NMNAT2: variants seen among roughly 807,000 people sequenced by gnomAD.
NMNAT2 encodes nicotinamide/nicotinic acid mononucleotide adenylyltransferase 2.
In NMNAT2, 11 loss-of-function variants were observed where a neutral mutation model predicts 41.6. The ratio of observed to expected loss-of-function variants is 0.26; its 90% CI spans 0.17 to 0.44. NMNAT2 has a LOEUF of 0.44. NMNAT2 is among the 20% of genes least tolerant of loss of function. The pLI is 1.00. For missense variants in NMNAT2, 288 were observed against 407.7 expected (o/e 0.71, Z 2.53); for synonymous variants, 148 against 151.2 (o/e 0.98, Z 0.16).
At chr1:183,316,742 C>T (rs1662260148) in intron 1 of NMNAT2, among the ~76,000 whole-genome samples, 1 of 152,228 alleles carries the variant, frequency 6.6e-6, no homozygotes. Flanking sequence ...TGATACTCAG[C>T]AAACATTGAT....
rs114018135 is a variant in NMNAT2 at position 183,382,372 on chromosome 1, A to G, written c.85+35811T>C. On this transcript the variant is annotated intron_variant, in intron 1 of 10. Coordinates refer to ENST00000287713, the MANE Select transcript of NMNAT2 (RefSeq NM_015039.4). ...TTGGGCAGGGACACAAATCCAAACC[A>G]TATCTTTTCCACCCCTGTCCCCTCC... Among the ~76,000 whole-genome samples, 1,265 of 152,230 alleles carry G rather than the reference A, an allele frequency of 8.3e-3. 9 individuals are homozygous for G. Among genetic ancestry groups the G allele is most frequent in the Admixed American group, 0.014 (207 of 15,298 alleles).
intron 1 of NMNAT2, among the ~76,000 whole-genome samples, chr1:183,324,933 T>A (rs515425): frequency 0.031 from 4,784 of 152,250 alleles, 113 homozygotes; most frequent in Non-Finnish European, 0.045. Flanking sequence ...GTTTGTTGAA[T>A]GAATGGATCT....
intron 1 of NMNAT2, among the ~76,000 whole-genome samples, chr1:183,384,783 G>T (rs1648145804): frequency 6.6e-6 from 1 of 152,328 alleles, no homozygotes; most frequent in East Asian, 1.9e-4. Flanking sequence ...AAATGTGAGA[G>T]AAAGCATTGA....
intron 3 of NMNAT2, among the ~76,000 whole-genome samples, chr1:183,290,914 G>T (rs1262767077): frequency 6.6e-6 from 1 of 152,088 alleles, no homozygotes; most frequent in Non-Finnish European, 1.5e-5. Context: ...GGGCTTAATT[G>T]CCAACTTAAT....
intron 1 of NMNAT2, among the ~76,000 whole-genome samples, chr1:183,417,981 C>A (rs796623748): frequency 6.6e-6 from 1 of 152,210 alleles, no homozygotes; most frequent in South Asian, 2.1e-4. Flanking sequence ...CGGGTCTGGC[C>A]CCGGCAAGTG....
At chr1:183,352,747 A>G (rs1663091720) in intron 1 of NMNAT2, among the ~76,000 whole-genome samples, 1 of 152,132 alleles carries the variant, frequency 6.6e-6, no homozygotes, top group African/African-American at 2.4e-5. Flanking sequence ...GGTCCCGGGA[A>G]CATGGTGATC....
At chr1:183,280,577 G>A (rs1661234670) in intron 7 of NMNAT2, among the ~76,000 whole-genome samples, 1 of 151,496 alleles carries the variant, frequency 6.6e-6, no homozygotes, top group South Asian at 2.1e-4. Flanking sequence ...TAGTAGAGAG[G>A]GGGTTTCACC....
rs183744998 is a variant in NMNAT2 at position 183,353,151 on chromosome 1, T to A, written c.86-59358A>T. On this transcript the variant is annotated intron_variant, in intron 1 of 10. Coordinates refer to ENST00000287713, the MANE Select transcript of NMNAT2 (RefSeq NM_015039.4). ...CCTCCCAAGTAGCTGGGATTACAGG[T>A]GCCTGCCATCGTGCCCGGCTAGTTT... 4.0e-4 allele frequency among the ~76,000 whole-genome samples: 61 copies of A among 152,168 alleles called. 2 individuals carry two copies. The East Asian group carries it at 0.011, about 27-fold the overall frequency.
At chr1:183,405,646 G>A (rs938771870) in intron 1 of NMNAT2, among the ~76,000 whole-genome samples, 1 of 152,218 alleles carries the variant, frequency 6.6e-6, no homozygotes, top group African/African-American at 2.4e-5. Flanking sequence ...ATGGACAAGA[G>A]TTGACTGGAG....
At chr1:183,393,766 G>A (rs1282187240) in intron 1 of NMNAT2, among the ~76,000 whole-genome samples, 1 of 152,128 alleles carries the variant, frequency 6.6e-6, no homozygotes, top group Non-Finnish European at 1.5e-5. Flanking sequence ...ATGTTGGCCA[G>A]GCTGGTCTCG....
intron 1 of NMNAT2, among the ~76,000 whole-genome samples, chr1:183,320,249 A>G (rs1478900151): frequency 2.0e-5 from 3 of 152,206 alleles, no homozygotes; most frequent in Non-Finnish European, 4.4e-5. Flanking sequence ...AAGTTTTTGA[A>G]GTGCTGCTCT....
In NMNAT2 at chr1:183,284,016, C is replaced by A. The variant is rs1329963956; in HGVS notation, c.553G>T (p.Val185Leu). Residue 185 changes from valine (V) to leucine (L), a missense_variant, in exon 7 of 11, where the codon GTG (valine) becomes TTG (leucine). By Grantham distance (32) the Val-to-Leu change is conservative. Transcript: ENST00000287713. ...FVDENANLGTVMRYEEIELRI... is the reference protein window; with the variant it reads ...FVDENANLGTLMRYEEIELRI... ...TCACCAATCTCTTCATACCGCATCA[C>A]CGTGCCCAGATTGGCATTCTCATCT... 1 of 1,613,886 alleles carries A rather than the reference C, an allele frequency of 6.2e-7. No homozygotes were observed. Among genetic ancestry groups the A allele is most frequent in the African/African-American group, 1.3e-5 (1 of 75,020 alleles).
At chr1:183,400,509 A>G (rs1648778338) in intron 1 of NMNAT2, among the ~76,000 whole-genome samples, 2 of 152,214 alleles carry the variant, frequency 1.3e-5, no homozygotes, top group African/African-American at 4.8e-5. Context: ...TATAGATTCA[A>G]TGCCATCCCC....
At chr1:183,320,382 C>T (rs1290293962) in intron 1 of NMNAT2, among the ~76,000 whole-genome samples, 2 of 152,098 alleles carry the variant, frequency 1.3e-5, no homozygotes, top group African/African-American at 2.4e-5. Flanking sequence ...GTGGGCAGAT[C>T]GCCCTGAGGT....
chr1:183,386,800 T>C lies in NMNAT2; in HGVS notation c.85+31383A>G, dbSNP rs528044303. On this transcript the variant is annotated intron_variant, in intron 1 of 10. Transcript: ENST00000287713. ...AGCTCATGGATCGCTAGTTATAGGATAAATGAAAAAAATCAAAACTGTTCT... is the reference window on the plus strand; with the variant it reads ...AGCTCATGGATCGCTAGTTATAGGACAAATGAAAAAAATCAAAACTGTTCT... Among the ~76,000 whole-genome samples, 254 of 152,172 alleles carry C rather than the reference T, an allele frequency of 1.7e-3. 1 individual carries two copies. Among genetic ancestry groups the C allele is most frequent in the Non-Finnish European group, 2.8e-3 (189 of 67,962 alleles).
intron 1 of NMNAT2, among the ~76,000 whole-genome samples, chr1:183,411,523 G>T (rs778579314): frequency 6.6e-6 from 1 of 151,910 alleles, no homozygotes; most frequent in African/African-American, 2.4e-5. Context: ...AGACTGCTCT[G>T]AAACTCCTGA....
chr1:183,361,150 A>T (rs1231079511), intron 1 of NMNAT2, among the ~76,000 whole-genome samples: 2 of 152,224 alleles, frequency 1.3e-5, no homozygotes, highest in Admixed American at 6.5e-5. Flanking sequence ...GCATACATAC[A>T]CTTATTAAAT....
intron 1 of NMNAT2, among the ~76,000 whole-genome samples, chr1:183,327,900 T>C (rs982028646): frequency 6.6e-6 from 1 of 152,018 alleles, no homozygotes; most frequent in Non-Finnish European, 1.5e-5. Flanking sequence ...CTGGCTCCCC[T>C]GGGTTTCAGA....
chr1:183,385,598 ATT>A (rs908145581), intron 1 of NMNAT2, among the ~76,000 whole-genome samples: 4 of 145,402 alleles, frequency 2.8e-5, no homozygotes, highest in East Asian at 2.0e-4. Flanking sequence ...AGAGCCTGGA[ATT>A]TTTTTTTTTT....
Sources: gnomAD v4.1 joint callset for allele counts (sites outside exome capture counted in the v4.1 genomes callset) on GRCh38, gnomAD v4.1.1 for gene constraint, MANE v1.5 for transcripts, NCBI Gene and HGNC (gene_info 2026-07-23, HGNC 2026-07-21) for gene names.